The following ZFAND3 variants were observed in gnomAD, a reference collection of about 807,000 sequenced individuals.
The protein encoded by ZFAND3 is AN1-type zinc finger protein 3.
A neutral mutation model predicts 29.6 loss-of-function variants in ZFAND3; 10 were observed. The observed-to-expected ratio is 0.34, with a 90% confidence interval of 0.21 to 0.57. The LOEUF is 0.57. ZFAND3 is among the 20% of genes least tolerant of loss of function. The pLI, the probability that ZFAND3 is intolerant of heterozygous loss-of-function variation, is 0.86. For synonymous variants in ZFAND3, 128 were observed against 112.6 expected, an observed-to-expected ratio of 1.14 and a Z score of -0.87; for missense variants, 230 against 304.5, an observed-to-expected ratio of 0.76 and a Z score of 1.82.
chr6:37,972,143 G>A lies in ZFAND3; in HGVS notation c.112+42144G>A, dbSNP rs142600665. ...GCCTCTCTCCTATTTATTTTAACTTGTTTGCAATTTATTAGGCTTGGTAGG... is the reference window on the plus strand; with the variant it reads ...GCCTCTCTCCTATTTATTTTAACTTATTTGCAATTTATTAGGCTTGGTAGG... On this transcript the variant is annotated intron_variant, in intron 2 of 5. Coordinates refer to ENST00000287218, the MANE Select transcript of ZFAND3 (RefSeq NM_021943.3). 2.3e-3 allele frequency among the ~76,000 whole-genome samples: 350 copies of A among 152,136 alleles called. 2 individuals are homozygous for A. The highest frequency in any genetic ancestry group is 8.0e-3 in the African/African-American group (332 of 41,500).
In ZFAND3 at chr6:37,937,514, G is replaced by A. The variant is rs138424391; in HGVS notation, c.112+7515G>A. Among the ~76,000 whole-genome samples, 2,584 of 152,030 alleles carry A rather than the reference G, an allele frequency of 0.017. 254 individuals carry two copies. The East Asian group carries it at 0.28, about 16-fold the overall frequency. ...TACTAAAAATACAAAAATTAGCTGGGCCTGGTGGCACATGCCTGTAATTCC... is the reference window on the plus strand; with the variant it reads ...TACTAAAAATACAAAAATTAGCTGGACCTGGTGGCACATGCCTGTAATTCC... On this transcript the variant is annotated intron_variant, in intron 2 of 5. Transcript: ENST00000287218.
intron 5 of ZFAND3, among the ~76,000 whole-genome samples, chr6:38,141,912 G>C (rs535261176): frequency 6.6e-6 from 1 of 152,302 alleles, no homozygotes; most frequent in African/African-American, 2.4e-5. Context: ...AGCACATGCC[G>C]GGTGCTTCAC....
chr6:37,844,279 CTTCTCTGTCTTTCTTGTCTTTCTTTCT>C (rs1399821998), intron 1 of ZFAND3, among the ~76,000 whole-genome samples: 1 of 151,030 alleles, frequency 6.6e-6, no homozygotes, highest in African/African-American at 2.4e-5. Flanking sequence ...TCTTTCTTTC[CTTCTCTGTCTTTCTTGTCTTTCTTTCT>C]TGTCTTGCCC....
At chr6:38,082,571 T>C in intron 4 of ZFAND3, 114 bp downstream of exon 4, 3 of 924,756 alleles carry the variant, frequency 3.2e-6, no homozygotes, top group South Asian at 1.6e-5. Context: ...CCGTCAGTTG[T>C]GAGGTGATAT....
At chr6:37,836,138 C>T (rs567250182) in intron 1 of ZFAND3, among the ~76,000 whole-genome samples, 3 of 152,270 alleles carry the variant, frequency 2.0e-5, no homozygotes, top group African/African-American at 7.2e-5. Context: ...ATTGTTAGAT[C>T]AGTGATTCTC....
At chr6:37,873,112 C>A (rs1232550714) in intron 1 of ZFAND3, among the ~76,000 whole-genome samples, 3 of 141,808 alleles carry the variant, frequency 2.1e-5, no homozygotes, top group East Asian at 4.0e-4. Context: ...AAAAAAAACC[C>A]CCCAAAAAAT....
intron 2 of ZFAND3, among the ~76,000 whole-genome samples, chr6:37,950,015 G>A (rs557362424): frequency 6.6e-6 from 1 of 152,318 alleles, no homozygotes; most frequent in South Asian, 2.1e-4. Flanking sequence ...AGGAACTGTG[G>A]ATTGTGGATG....
At chr6:37,963,779 A>G (rs946027410) in intron 2 of ZFAND3, among the ~76,000 whole-genome samples, 1 of 151,976 alleles carries the variant, frequency 6.6e-6, no homozygotes, top group Non-Finnish European at 1.5e-5. Context: ...GAATTTAAAG[A>G]TGTTCTATTG....
chr6:37,990,897 T>G (rs1433658188), intron 2 of ZFAND3, among the ~76,000 whole-genome samples: 4 of 152,164 alleles, frequency 2.6e-5, no homozygotes, highest in African/African-American at 9.7e-5. Context: ...GTTATAGACG[T>G]GGAAGTAAGC....
intron 1 of ZFAND3, among the ~76,000 whole-genome samples, chr6:37,844,240 TTGTC>T (rs1209089847): frequency 2.7e-5 from 4 of 150,346 alleles, no homozygotes; most frequent in South Asian, 4.2e-4. Context: ...GATTGATTCT[TTGTC>T]TGTCTGTCTT....
chr6:37,978,303 C>T lies in ZFAND3; in HGVS notation c.112+48304C>T, dbSNP rs538484243. ...AGTCATACAATTTTGGGATAAATTC[C>T]GTTTGGTTGTGATACATTCTATTTT... On this transcript the variant is annotated intron_variant, in intron 2 of 5. Transcript: ENST00000287218. 3.9e-5 allele frequency among the ~76,000 whole-genome samples: 6 copies of T among 152,168 alleles called. No homozygotes were observed. The South Asian group carries it at 6.2e-4, about 16-fold the overall frequency.
At chr6:37,974,074 A>G (rs1762435906) in intron 2 of ZFAND3, among the ~76,000 whole-genome samples, 2 of 152,206 alleles carry the variant, frequency 1.3e-5, no homozygotes, top group Admixed American at 1.3e-4. Context: ...TCTTTTGGCT[A>G]ATTCCCATAC....
intron 1 of ZFAND3, among the ~76,000 whole-genome samples, chr6:37,837,397 G>A (rs9470715): frequency 0.03 from 4,538 of 151,958 alleles, 176 homozygotes; most frequent in African/African-American, 0.086. Flanking sequence ...ATTCTTCAGC[G>A]TATTTTGCTA....
At chr6:37,945,597 A>G (rs942779557) in intron 2 of ZFAND3, among the ~76,000 whole-genome samples, 9 of 151,736 alleles carry the variant, frequency 5.9e-5, no homozygotes, top group Non-Finnish European at 1.0e-4. Flanking sequence ...CTAGTCTCGA[A>G]CTCCTGAACT....
At chr6:38,011,534 T>A (rs1763153209) in intron 2 of ZFAND3, among the ~76,000 whole-genome samples, 1 of 152,230 alleles carries the variant, frequency 6.6e-6, no homozygotes, top group Non-Finnish European at 1.5e-5. Flanking sequence ...TTAATTTGTA[T>A]TTTTAATTTT....
At chr6:37,881,250 A>C (rs935955990) in intron 1 of ZFAND3, among the ~76,000 whole-genome samples, 1 of 151,804 alleles carries the variant, frequency 6.6e-6, no homozygotes, top group Non-Finnish European at 1.5e-5. Flanking sequence ...TTTTTATTTA[A>C]TCTTTTTGTA....
At chr6:37,882,402 G>A (rs1581731834) in intron 1 of ZFAND3, among the ~76,000 whole-genome samples, 1 of 152,090 alleles carries the variant, frequency 6.6e-6, no homozygotes, top group Non-Finnish European at 1.5e-5. Flanking sequence ...CCCAAGGATA[G>A]GATACTTGTT....
intron 1 of ZFAND3, among the ~76,000 whole-genome samples, chr6:37,852,531 A>G (rs1764299632): frequency 1.3e-5 from 2 of 152,060 alleles, no homozygotes; most frequent in South Asian, 4.1e-4. Context: ...CCTCATGCAC[A>G]TATCTTGCCG....
intron 3 of ZFAND3, among the ~76,000 whole-genome samples, chr6:38,069,023 G>A (rs1237208358): frequency 1.3e-5 from 2 of 152,124 alleles, no homozygotes; most frequent in East Asian, 1.9e-4. Context: ...CATCCATTGG[G>A]CGTCATTGGC....
Sources: gnomAD v4.1 joint callset for allele counts (sites outside exome capture counted in the v4.1 genomes callset) on GRCh38, gnomAD v4.1.1 for gene constraint, MANE v1.5 for transcripts, NCBI Gene and HGNC (gene_info 2026-07-23, HGNC 2026-07-21) for gene names.